Variants in IGF2BP3 observed in about 807,000 individuals in gnomAD.
IGF2BP3 encodes the protein insulin like growth factor 2 mRNA binding protein 3, also known as insulin-like growth factor 2 mRNA-binding protein 3.
Under a neutral mutation model 73.8 loss-of-function variants are expected in IGF2BP3, and 9 were observed. The ratio of observed to expected loss-of-function variants is 0.12; its 90% CI spans 0.07 to 0.21. The LOEUF (loss-of-function observed/expected upper bound fraction) is 0.21, where lower values mean the gene tolerates loss of function less well. IGF2BP3 is among the 10% of genes least tolerant of loss of function. The pLI is 1.00. For synonymous variants in IGF2BP3, 258 were observed against 256.7 expected, an observed-to-expected ratio of 1.01 and a Z score of -0.05; for missense variants, 542 against 714.0, an observed-to-expected ratio of 0.76 and a Z score of 2.75.
Position 23,470,311 on chromosome 7 carries a change from TAAAAGA to T in IGF2BP3, c.-207_-202del. 1 of 411,470 alleles carries T rather than the reference TAAAAGA, an allele frequency of 2.4e-6. No individual in the cohort carries two copies. Among genetic ancestry groups the T allele is most frequent in the Non-Finnish European group, 4.3e-6 (1 of 233,070 alleles). 25.5% of individuals were successfully genotyped at this position (411,470 alleles called of 1,614,324 possible). ...GTTTTTTCCTTGTCTAGATGTGTTT[TAAAAGA>T]GAAAGAAAAGAAAAAGCCTAGCTAC... On this transcript the variant is annotated 5_prime_UTR_variant, in exon 1 of 15. Transcript: ENST00000258729.
At chr7:23,356,248 T>C (rs1347685672) in intron 5 of IGF2BP3, among the ~76,000 whole-genome samples, 1 of 152,180 alleles carries the variant, frequency 6.6e-6, no homozygotes, top group Non-Finnish European at 1.5e-5. Context: ...AGATTCATGG[T>C]CCCTTTCAGC....
At chr7:23,347,938 T>C in intron 6 of IGF2BP3, 1 of 538,180 alleles carries the variant, frequency 1.9e-6, no homozygotes. Context: ...CCCTTTCTCT[T>C]TCCTCAATCC....
chr7:23,355,945 A>G (rs1054399642), intron 5 of IGF2BP3, among the ~76,000 whole-genome samples: 4 of 152,072 alleles, frequency 2.6e-5, no homozygotes, highest in Non-Finnish European at 5.9e-5. Flanking sequence ...AAAAAAAAAA[A>G]AAAAATTGTT....
At chr7:23,383,294 A>T (rs1017213827) in intron 3 of IGF2BP3, among the ~76,000 whole-genome samples, 1 of 152,228 alleles carries the variant, frequency 6.6e-6, no homozygotes, top group Non-Finnish European at 1.5e-5. Flanking sequence ...AATAAAGACA[A>T]ATAATCCATT....
At chr7:23,432,047 A>C (rs535366621) in intron 2 of IGF2BP3, among the ~76,000 whole-genome samples, 76 of 152,308 alleles carry the variant, frequency 5.0e-4, no homozygotes, top group African/African-American at 1.7e-3. Flanking sequence ...TGAGAATCTA[A>C]ACATGGTTTT....
intron 3 of IGF2BP3, chr7:23,413,994 C>T (rs1562738141): frequency 6.6e-6 from 1 of 151,942 alleles, no homozygotes; most frequent in African/African-American, 2.4e-5. Context: ...ACTAAAAATA[C>T]AAAAAATTAG....
chr7:23,409,510 C>T (rs1030273717), intron 3 of IGF2BP3, among the ~76,000 whole-genome samples: 7 of 151,966 alleles, frequency 4.6e-5, no homozygotes, highest in Admixed American at 2.0e-4. Flanking sequence ...ATAAAGATAC[C>T]GTAACCAAGA....
At chr7:23,324,159 T>C (rs886498844) in intron 10 of IGF2BP3, among the ~76,000 whole-genome samples, 3 of 151,824 alleles carry the variant, frequency 2.0e-5, no homozygotes, top group South Asian at 4.2e-4. Context: ...ATCAACAAAA[T>C]TGATAGACTG....
intron 2 of IGF2BP3, among the ~76,000 whole-genome samples, chr7:23,441,574 TAAAAAAAAAAA>T (rs769391858): frequency 1.6e-3 from 91 of 56,950 alleles, no homozygotes; most frequent in East Asian, 0.011. Context: ...CTCCATCTCT[TAAAAAAAAAAA>T]AAAAAAAAAA....
chr7:23,456,919 C>G (rs1337399511), intron 2 of IGF2BP3, among the ~76,000 whole-genome samples: 3 of 152,044 alleles, frequency 2.0e-5, no homozygotes, highest in Non-Finnish European at 4.4e-5. Flanking sequence ...CGTAGTGGCA[C>G]GCGCCCATAG....
intron 2 of IGF2BP3, among the ~76,000 whole-genome samples, chr7:23,460,741 G>C (rs1437016844): frequency 6.6e-6 from 1 of 152,026 alleles, no homozygotes; most frequent in Admixed American, 6.6e-5. Flanking sequence ...CCTGAGGTCA[G>C]GGGTTCAAGA....
chr7:23,460,153 T>C (rs1788410817), intron 2 of IGF2BP3, among the ~76,000 whole-genome samples: 1 of 126,990 alleles, frequency 7.9e-6, no homozygotes, highest in African/African-American at 3.1e-5. Flanking sequence ...CACTCCAGCC[T>C]GGGCAACCGT....
chr7:23,317,764 G>C, intron 11 of IGF2BP3, 51 bp from the exon 12 acceptor site: 1 of 1,425,258 alleles, frequency 7.0e-7, no homozygotes, highest in Non-Finnish European at 9.9e-7. Flanking sequence ...TCACTGATAG[G>C]CATCTTGGGC....
At chr7:23,435,157 G>A (rs1787777839) in intron 2 of IGF2BP3, among the ~76,000 whole-genome samples, 1 of 151,658 alleles carries the variant, frequency 6.6e-6, no homozygotes, top group Non-Finnish European at 1.5e-5. Context: ...GCCAGGTGTG[G>A]TGGCGGGTAC....
chr7:23,371,095 T>C (rs1785529338), intron 3 of IGF2BP3, among the ~76,000 whole-genome samples: 1 of 152,082 alleles, frequency 6.6e-6, no homozygotes. Flanking sequence ...GAGATTAAAG[T>C]ATTAATAAAA....
intron 2 of IGF2BP3, chr7:23,431,150 A>T (rs1228728155): frequency 2.0e-5 from 3 of 152,228 alleles, no homozygotes; most frequent in Non-Finnish European, 2.9e-5. Context: ...TAAGGAAGAG[A>T]GAGCATTACG....
intron 2 of IGF2BP3, among the ~76,000 whole-genome samples, chr7:23,463,492 A>G (rs1363798615): frequency 6.6e-6 from 1 of 152,268 alleles, no homozygotes; most frequent in Admixed American, 6.5e-5. Flanking sequence ...ATTCCAAAAG[A>G]TATTTTTAAG....
At chr7:23,403,850 C>A (rs576669959) in intron 3 of IGF2BP3, among the ~76,000 whole-genome samples, 1 of 151,816 alleles carries the variant, frequency 6.6e-6, no homozygotes, top group Non-Finnish European at 1.5e-5. Flanking sequence ...TGGCCAGGCA[C>A]GGTGACTCAC....
chr7:23,390,868 G>A (rs1429921268), intron 3 of IGF2BP3, among the ~76,000 whole-genome samples: 6 of 148,762 alleles, frequency 4.0e-5, no homozygotes, highest in Non-Finnish European at 7.4e-5. Flanking sequence ...GCATGATCTC[G>A]GCTCAGTGCA....
Sources: allele counts gnomAD v4.1 joint callset (sites outside exome capture counted in the v4.1 genomes callset), GRCh38; gene constraint gnomAD v4.1.1; transcripts MANE v1.5; gene names NCBI Gene and HGNC (gene_info 2026-07-23, HGNC 2026-07-21).